NT5C2: variants seen among roughly 807,000 people sequenced by gnomAD.
NT5C2 encodes 5'-nucleotidase, cytosolic II.
A neutral mutation model predicts 76.1 loss-of-function variants in NT5C2; 58 were observed. The ratio of observed to expected loss-of-function variants is 0.76; its 90% confidence interval spans 0.62 to 0.95. The LOEUF is 0.95. Among genes scored for constraint, NT5C2 ranks in the 40% least tolerant of loss-of-function variants. The pLI, the probability that NT5C2 is intolerant of heterozygous loss-of-function variation, is 0.00. For missense variants in NT5C2, 478 were observed against 690.3 expected, an observed-to-expected ratio of 0.69 and a Z score of 3.45; for synonymous variants, 229 against 237.4, an observed-to-expected ratio of 0.96 and a Z score of 0.32.
chr10:103,147,210 G>A (rs1352264810), intron 3 of NT5C2, among the ~76,000 whole-genome samples: 2 of 152,064 alleles, frequency 1.3e-5, no homozygotes, highest in Admixed American at 6.5e-5. Context: ...TTTAGTCATC[G>A]CTCACTACCT....
intron 4 of NT5C2, among the ~76,000 whole-genome samples, chr10:103,132,849 C>T (rs909487055): frequency 5.9e-5 from 9 of 151,676 alleles, no homozygotes; most frequent in Admixed American, 4.6e-4. Flanking sequence ...CGCGCCTGGC[C>T]GCGGTCTAAA....
intron 1 of NT5C2, among the ~76,000 whole-genome samples, chr10:103,182,679 C>T (rs1482214305): frequency 1.3e-5 from 2 of 151,748 alleles, no homozygotes; most frequent in Non-Finnish European, 2.9e-5. Context: ...TTATAATCAA[C>T]CATTCATTCT....
At chr10:103,097,501 G>T in intron 10 of NT5C2, 127 bp from the exon 11 acceptor site, 1 of 716,310 alleles carries the variant, frequency 1.4e-6, no homozygotes, top group Non-Finnish European at 2.4e-6. Context: ...GCTGATTTCA[G>T]AATTTTGCAC....
intron 1 of NT5C2, among the ~76,000 whole-genome samples, chr10:103,181,548 G>C (rs946988072): frequency 2.0e-5 from 3 of 152,106 alleles, no homozygotes; most frequent in Admixed American, 6.6e-5. Flanking sequence ...CCAATAAAAT[G>C]CTGATAGCCA....
chr10:103,117,422 G>A (rs2074600166), intron 4 of NT5C2, among the ~76,000 whole-genome samples: 1 of 152,182 alleles, frequency 6.6e-6, no homozygotes, highest in Non-Finnish European at 1.5e-5. Flanking sequence ...TGGGGTAGGA[G>A]GACTGCTTGA....
chr10:103,098,500 G>C (rs1317722264), intron 10 of NT5C2: 1 of 185,442 alleles, frequency 5.4e-6, no homozygotes, highest in Non-Finnish European at 1.1e-5. Context: ...CCTCTGGCAA[G>C]TTATTTAATC....
At chr10:103,092,280 C>T (rs1422328664) in intron 15 of NT5C2, among the ~76,000 whole-genome samples, 1 of 152,222 alleles carries the variant, frequency 6.6e-6, no homozygotes, top group African/African-American at 2.4e-5. Context: ...TTTCTGTATT[C>T]AGCTCCATTG....
chr10:103,132,759 C>A (rs1469814620), intron 4 of NT5C2, among the ~76,000 whole-genome samples: 1 of 152,012 alleles, frequency 6.6e-6, no homozygotes, highest in African/African-American at 2.4e-5. Context: ...ACTGTGTTAG[C>A]CAGGATGGTC....
chr10:103,088,693 T>G lies in NT5C2; in HGVS notation c.*979A>C, dbSNP rs185262900. On this transcript the variant is annotated 3_prime_UTR_variant, in exon 19 of 19. Coordinates refer to ENST00000404739, the MANE Select transcript of NT5C2 (RefSeq NM_001351169.2). ...TGAGCCGCCGTGCCTGGCCTTGACTTGAGATTCTGAAGTGAATTTATTCAC... is the reference window on the plus strand; with the variant it reads ...TGAGCCGCCGTGCCTGGCCTTGACTGGAGATTCTGAAGTGAATTTATTCAC... 208 of 175,184 alleles carry G rather than the reference T, an allele frequency of 1.2e-3. 1 individual carries two copies. The highest frequency in any genetic ancestry group is 4.4e-3 in the African/African-American group (188 of 42,314). The allele number at this position is 175,184 out of a possible 1,614,324, so 10.9% of individuals were successfully genotyped here.
At chr10:103,105,615 T>C (rs1177581377) in intron 6 of NT5C2, 91 bp downstream of exon 6, 1 of 866,236 alleles carries the variant, frequency 1.2e-6, no homozygotes, top group African/African-American at 1.7e-5. Flanking sequence ...TGAAAAGTAA[T>C]AGGGAAATAT....
intron 3 of NT5C2, among the ~76,000 whole-genome samples, chr10:103,160,403 C>T (rs1228620613): frequency 6.6e-6 from 1 of 152,060 alleles, no homozygotes; most frequent in Non-Finnish European, 1.5e-5. Context: ...TTGGACTTCA[C>T]CGGTATTAAA....
At chr10:103,097,222 A>C (rs1257140776) in intron 11 of NT5C2, 69 bp downstream of exon 11, 3 of 1,171,044 alleles carry the variant, frequency 2.6e-6, no homozygotes, top group African/African-American at 1.6e-5. Flanking sequence ...TATCTTCCTC[A>C]TTGTCTTCAC....
intron 4 of NT5C2, among the ~76,000 whole-genome samples, chr10:103,124,733 C>T (rs999121698): frequency 6.6e-6 from 1 of 151,920 alleles, no homozygotes; most frequent in African/African-American, 2.4e-5. Flanking sequence ...TAGTACAAGG[C>T]AGAGCTGGGA....
chr10:103,148,774 GAA>G (rs906517720), intron 3 of NT5C2, among the ~76,000 whole-genome samples: 4 of 152,160 alleles, frequency 2.6e-5, no homozygotes, highest in African/African-American at 9.6e-5. Flanking sequence ...AAGTTCCAGA[GAA>G]AAGTCAGTAT....
intron 3 of NT5C2, among the ~76,000 whole-genome samples, chr10:103,174,506 GGTTACA>G (rs2089306040): frequency 6.6e-6 from 1 of 152,158 alleles, no homozygotes; most frequent in Admixed American, 6.5e-5. Context: ...GGGAGGTGAA[GGTTACA>G]GTTAGCCAAG....
intron 3 of NT5C2, among the ~76,000 whole-genome samples, chr10:103,157,115 TTA>T (rs2083577374): frequency 6.7e-6 from 1 of 149,472 alleles, no homozygotes; most frequent in South Asian, 2.1e-4. Context: ...AAATGTTGTA[TTA>T]TGTTAAATTA....
Position 103,093,303 on chromosome 10 carries a change from G to C in NT5C2, c.995C>G (p.Ser332Cys). 6.4e-7 allele frequency: 1 copy of C among 1,573,212 alleles called. No individual in the cohort carries two copies. Among genetic ancestry groups the C allele is most frequent in the Non-Finnish European group, 8.6e-7 (1 of 1,162,676 alleles). The change falls in exon 15 of 19, where the codon TCT (serine) becomes TGT (cysteine). Residue 332 changes from serine (S) to cysteine (C), a missense_variant. Ser to Cys is a moderately radical substitution (Grantham distance 112, BLOSUM62 -1). Transcript: ENST00000404739. Reference protein sequence around the residue: ...QHGIVYSGGSSDTICDLLGAK... With the variant: ...QHGIVYSGGSCDTICDLLGAK... ...TCCCAACAGGTCACAGATCGTATCA[G>C]AAGAACCTGAACCAACAGAGTGAAC... is the stretch of plus-strand genomic sequence containing the variant.
intron 7 of NT5C2, 62 bp downstream of exon 7, chr10:103,101,173 A>T (rs1357015100): frequency 7.1e-7 from 1 of 1,402,116 alleles, no homozygotes; most frequent in Non-Finnish European, 1.0e-6. Flanking sequence ...ACCTCCCTTG[A>T]ATACAGACTA....
intron 4 of NT5C2, chr10:103,125,401 C>T (rs2076475618): frequency 7.3e-6 from 2 of 273,828 alleles, no homozygotes; most frequent in Middle Eastern, 1.2e-3. Flanking sequence ...TCAGCCAAGT[C>T]GTTCATGTGC....
Sources: gnomAD v4.1 joint callset for allele counts (sites outside exome capture counted in the v4.1 genomes callset) on GRCh38, gnomAD v4.1.1 for gene constraint, MANE v1.5 for transcripts, NCBI Gene and HGNC (gene_info 2026-07-23, HGNC 2026-07-21) for gene names.